MSRA: variants seen among roughly 807,000 people sequenced by gnomAD.
MSRA encodes the protein mitochondrial peptide methionine sulfoxide reductase.
In MSRA, 54 loss-of-function variants were observed where a neutral mutation model predicts 31.3. That is an observed-to-expected ratio of 1.73 (90% CI 1.39 to 2.17). The LOEUF is 2.17. Ranked by LOEUF, MSRA falls within the 30% of genes most tolerant of loss-of-function variation. The probability of loss-of-function intolerance (pLI) is 0.00; values close to 1 mark genes in which losing one functional copy is unlikely to be tolerated. For synonymous variants in MSRA, 169 were observed against 116.5 expected (o/e 1.45, Z -2.90); for missense variants, 507 against 300.9 (o/e 1.69, Z -5.07).
At chr8:10,136,392 C>G (rs1802281009) in intron 1 of MSRA, among the ~76,000 whole-genome samples, 1 of 152,238 alleles carries the variant, frequency 6.6e-6, no homozygotes. Flanking sequence ...TTTGTTCACC[C>G]TGAGCCTAGC....
At chr8:10,079,986 G>C (rs147269012) in intron 1 of MSRA, among the ~76,000 whole-genome samples, 1 of 152,082 alleles carries the variant, frequency 6.6e-6, no homozygotes. Context: ...CTTGTGTTAC[G>C]CTTAGCACTT....
chr8:10,278,243 G>C (rs948852339), intron 3 of MSRA, among the ~76,000 whole-genome samples: 2 of 152,108 alleles, frequency 1.3e-5, no homozygotes, highest in Non-Finnish European at 2.9e-5. Context: ...AGTACCTTCG[G>C]GTCTCTGTCT....
chr8:10,301,103 C>T (rs542762141), intron 3 of MSRA, among the ~76,000 whole-genome samples: 1 of 152,284 alleles, frequency 6.6e-6, no homozygotes, highest in East Asian at 1.9e-4. Context: ...CTCTCCCTGG[C>T]ACCATCTCAC....
intron 2 of MSRA, among the ~76,000 whole-genome samples, chr8:10,215,476 T>A (rs1421955896): frequency 6.6e-6 from 1 of 152,242 alleles, no homozygotes; most frequent in African/African-American, 2.4e-5. Flanking sequence ...CTCCTCACTC[T>A]GGGTGAGCTG....
At chr8:10,161,109 A>T (rs1276347081) in intron 1 of MSRA, among the ~76,000 whole-genome samples, 1 of 152,184 alleles carries the variant, frequency 6.6e-6, no homozygotes, top group African/African-American at 2.4e-5. Context: ...CCAGATATCC[A>T]CTTTCTAAAT....
intron 2 of MSRA, among the ~76,000 whole-genome samples, chr8:10,214,115 T>C (rs2129063138): frequency 6.6e-6 from 1 of 151,880 alleles, no homozygotes; most frequent in South Asian, 2.1e-4. Context: ...CAAACAAGAG[T>C]GGGGAGCAAA....
intron 1 of MSRA, among the ~76,000 whole-genome samples, chr8:10,132,223 C>G (rs375029575): frequency 2.0e-5 from 3 of 152,158 alleles, no homozygotes; most frequent in African/African-American, 7.2e-5. Context: ...TAATTCTCCC[C>G]TTTCACAAAA....
At chr8:10,398,460 T>A (rs1255635890) in intron 5 of MSRA, among the ~76,000 whole-genome samples, 1 of 152,152 alleles carries the variant, frequency 6.6e-6, no homozygotes, top group Non-Finnish European at 1.5e-5. Flanking sequence ...CTGAGCACAG[T>A]TTTCTCCTGC....
At chr8:10,137,290 A>G (rs1802354295) in intron 1 of MSRA, among the ~76,000 whole-genome samples, 1 of 152,228 alleles carries the variant, frequency 6.6e-6, no homozygotes, top group African/African-American at 2.4e-5. Flanking sequence ...GTAATCAAGT[A>G]CAGGAATGGT....
intron 2 of MSRA, among the ~76,000 whole-genome samples, chr8:10,219,923 G>C (rs1288663356): frequency 6.7e-6 from 1 of 150,252 alleles, no homozygotes; most frequent in African/African-American, 2.5e-5. Flanking sequence ...AAATCAAACA[G>C]TGCCAGTTCT....
intron 1 of MSRA, among the ~76,000 whole-genome samples, chr8:10,111,119 T>C (rs908138886): frequency 2.6e-5 from 4 of 152,180 alleles, no homozygotes; most frequent in African/African-American, 9.7e-5. Context: ...ACAAAAGGGT[T>C]TCCGTGTTAT....
intron 5 of MSRA, chr8:10,320,193 G>A: frequency 2.5e-6 from 1 of 396,094 alleles, no homozygotes; most frequent in Non-Finnish European, 4.5e-6. Flanking sequence ...CCTGGGCCAG[G>A]GCCAGTGGCT....
At chr8:10,250,796 G>A (rs933252394) in intron 3 of MSRA, 1 of 272,240 alleles carries the variant, frequency 3.7e-6, no homozygotes, top group Non-Finnish European at 6.9e-6. Flanking sequence ...GTAAAATGGG[G>A]CAATGCTGCT....
intron 3 of MSRA, among the ~76,000 whole-genome samples, chr8:10,268,054 G>A (rs757749492): frequency 6.6e-6 from 1 of 152,144 alleles, no homozygotes; most frequent in East Asian, 1.9e-4. Context: ...TTTCTTCAGG[G>A]CCAAGACCTG....
chr8:10,377,390 G>A (rs1443821071), intron 5 of MSRA, among the ~76,000 whole-genome samples: 1 of 152,248 alleles, frequency 6.6e-6, no homozygotes, highest in African/African-American at 2.4e-5. Flanking sequence ...GATATTACTA[G>A]TAGCAGTCTT....
chr8:10,227,408 G>GTAATT (rs1457792020), intron 2 of MSRA, among the ~76,000 whole-genome samples: 1 of 152,140 alleles, frequency 6.6e-6, no homozygotes, highest in Non-Finnish European at 1.5e-5. Flanking sequence ...GAGGCAGAGG[G>GTAATT]TAATTTGAGC....
chr8:10,249,078 T>C (rs1324313103), intron 3 of MSRA, among the ~76,000 whole-genome samples: 1 of 152,180 alleles, frequency 6.6e-6, no homozygotes, highest in Non-Finnish European at 1.5e-5. Context: ...GGCCACTCTC[T>C]TGGGTGTTCT....
intron 1 of MSRA, among the ~76,000 whole-genome samples, chr8:10,074,406 T>G (rs574384379): frequency 2.0e-5 from 3 of 152,144 alleles, no homozygotes; most frequent in East Asian, 3.9e-4. Flanking sequence ...TTAAAATGTT[T>G]AGCTTTGAAA....
intron 1 of MSRA, among the ~76,000 whole-genome samples, chr8:10,156,098 C>G (rs374598690): frequency 1.1e-4 from 16 of 152,102 alleles, no homozygotes; most frequent in African/African-American, 3.9e-4. Flanking sequence ...TCGATGCTGC[C>G]AAGGAGAATG....
Sources: allele counts gnomAD v4.1 joint callset (sites outside exome capture counted in the v4.1 genomes callset), GRCh38; gene constraint gnomAD v4.1.1; transcripts MANE v1.5; gene names NCBI Gene and HGNC (gene_info 2026-07-23, HGNC 2026-07-21).